The following UTP4 variants were observed in gnomAD, a reference collection of about 807,000 sequenced individuals.
UTP4 encodes U3 small nucleolar RNA-associated protein 4 homolog.
Under a neutral mutation model 82.4 loss-of-function variants are expected in UTP4, and 45 were observed. That is an observed-to-expected ratio of 0.55 (90% CI 0.43 to 0.70). The LOEUF (loss-of-function observed/expected upper bound fraction) is 0.70, where lower values mean the gene tolerates loss of function less well. UTP4 is among the 30% of genes least tolerant of loss of function. The pLI, the probability that UTP4 is intolerant of heterozygous loss-of-function variation, is 0.00. For missense variants in UTP4, 819 were observed against 858.3 expected (o/e 0.95, Z 0.57); for synonymous variants, 348 against 300.3 (o/e 1.16, Z -1.64).
chr16:69,161,419 T>G (rs1040628473), intron 13 of UTP4, among the ~76,000 whole-genome samples: 1 of 152,250 alleles, frequency 6.6e-6, no homozygotes, highest in African/African-American at 2.4e-5. Context: ...GGTAGGAGCA[T>G]GTACTGAGCA....
intron 5 of UTP4, 104 bp downstream of exon 5, chr16:69,140,018 C>A: frequency 1.2e-6 from 1 of 819,850 alleles, no homozygotes; most frequent in Non-Finnish European, 2.2e-6. Context: ...ACCTTTATGG[C>A]CTAACATGTC....
At chr16:69,138,260 G>A (rs1962864453) in intron 4 of UTP4, among the ~76,000 whole-genome samples, 1 of 146,578 alleles carries the variant, frequency 6.8e-6, no homozygotes, top group Admixed American at 6.9e-5. Context: ...TCTGGAGGCA[G>A]AGTGTCACTC....
chr16:69,157,626 CCTT>C (rs1412697104), intron 12 of UTP4, among the ~76,000 whole-genome samples: 2 of 152,052 alleles, frequency 1.3e-5, no homozygotes, highest in African/African-American at 4.8e-5. Flanking sequence ...GGGCATGTTG[CCTT>C]TTTTGGTTGT....
At chr16:69,138,637 A>G (rs913690401) in intron 4 of UTP4, among the ~76,000 whole-genome samples, 1 of 152,212 alleles carries the variant, frequency 6.6e-6, no homozygotes, top group African/African-American at 2.4e-5. Context: ...CTGAATTGGC[A>G]TTGACCCTTT....
chr16:69,146,871 C>T (rs1341520066), intron 6 of UTP4, among the ~76,000 whole-genome samples: 12 of 150,720 alleles, frequency 8.0e-5, no homozygotes, highest in Admixed American at 6.6e-4. Flanking sequence ...GGTGTGGTGG[C>T]GGGCGCCTGT....
chr16:69,147,325 G>A (rs2152279401), intron 6 of UTP4, among the ~76,000 whole-genome samples: 1 of 151,746 alleles, frequency 6.6e-6, no homozygotes, highest in Admixed American at 6.6e-5. Context: ...GCAACATGGT[G>A]AAACTCTGTC....
intron 2 of UTP4, 59 bp downstream of exon 2, chr16:69,133,677 A>G (rs1962721025): frequency 6.4e-7 from 1 of 1,552,424 alleles, no homozygotes. Flanking sequence ...GAAGTTCAAG[A>G]AGCTTGTATG....
At chr16:69,136,961 T>C (rs1567600154) in intron 3 of UTP4, 74 bp downstream of exon 3, 4 of 1,274,276 alleles carry the variant, frequency 3.1e-6, no homozygotes, top group Non-Finnish European at 4.6e-6. Flanking sequence ...CCTGTGCTCA[T>C]AGGAGAGTAA....
intron 6 of UTP4, among the ~76,000 whole-genome samples, chr16:69,147,892 T>A (rs1963159978): frequency 6.6e-6 from 1 of 152,118 alleles, no homozygotes; most frequent in Non-Finnish European, 1.5e-5. Context: ...TTTTTTTTCT[T>A]TTTAGCTGGG....
intron 6 of UTP4, among the ~76,000 whole-genome samples, chr16:69,149,252 C>A (rs559053358): frequency 6.6e-6 from 1 of 151,970 alleles, no homozygotes; most frequent in Non-Finnish European, 1.5e-5. Context: ...TGGTGGCGCA[C>A]GCCTGTAATC....
At chr16:69,146,109 A>G (rs1963101204) in intron 6 of UTP4, among the ~76,000 whole-genome samples, 1 of 151,764 alleles carries the variant, frequency 6.6e-6, no homozygotes, top group South Asian at 2.1e-4. Context: ...AAAAAAAAAA[A>G]GAAAAAAAAA....
chr16:69,146,022 A>C lies in UTP4; in HGVS notation c.738+2633A>C, dbSNP rs188351806. Reference sequence around the variant, plus strand: ...CTGGTAAAATATTTCAAGCAGTTCAACCCGGGAGGCAGAGGTTGCAGTGAG... The same window carrying C: ...CTGGTAAAATATTTCAAGCAGTTCACCCCGGGAGGCAGAGGTTGCAGTGAG... On this transcript the variant is annotated intron_variant, in intron 6 of 16. Coordinates refer to ENST00000314423, the MANE Select transcript of UTP4 (RefSeq NM_032830.3). Among the ~76,000 whole-genome samples the C allele has an allele frequency of 6.9e-3, 1,051 of 151,850 alleles. 7 individuals are homozygous for C. Among genetic ancestry groups the C allele is most frequent in the Non-Finnish European group, 0.01 (682 of 67,940 alleles).
intron 6 of UTP4, among the ~76,000 whole-genome samples, chr16:69,148,487 C>T (rs1963180412): frequency 6.6e-6 from 1 of 151,998 alleles, no homozygotes; most frequent in Non-Finnish European, 1.5e-5. Context: ...CCGCCTCAGC[C>T]TCCCAAGGTG....
chr16:69,135,625 A>G (rs1014533775), intron 2 of UTP4, among the ~76,000 whole-genome samples: 5 of 152,202 alleles, frequency 3.3e-5, no homozygotes, highest in Admixed American at 6.5e-5. Flanking sequence ...TTGAGGCGGA[A>G]GGATCGCTTG....
In UTP4 at chr16:69,146,162, C is replaced by T. The variant is rs181835661; in HGVS notation, c.738+2773C>T. Reference sequence around the variant, plus strand: ...TCTTTTTACCATTAGTTTTGTAATTCTCCCCACATTATTTACTTTTAAACT... The same window carrying T: ...TCTTTTTACCATTAGTTTTGTAATTTTCCCCACATTATTTACTTTTAAACT... On this transcript the variant is annotated intron_variant, in intron 6 of 16. Coordinates refer to ENST00000314423, the MANE Select transcript of UTP4 (RefSeq NM_032830.3). 1.1e-4 allele frequency among the ~76,000 whole-genome samples: 16 copies of T among 151,386 alleles called. No individual in the cohort carries two copies. The East Asian group carries it at 3.1e-3, about 29-fold the overall frequency.
At position 69,157,160 on chromosome 16, in the gene UTP4, C is replaced by T; in HGVS notation, c.1364C>T (p.Ala455Val). The stretch of plus-strand genomic sequence containing the variant: ...GAAGATTCAACAAAGCTCTTTGTAG[C>T]ATCAAATCAAGGAGCTCTGCATATT... The part of the protein sequence containing the change: ...FSEDSTKLFV[A>V]SNQGALHIVQ... The change falls in exon 12 of 17, where the codon GCA becomes GTA. Residue 455 changes from alanine to valine, a missense_variant. Transcript: ENST00000314423. 1.2e-6 allele frequency: 2 copies of T among 1,614,106 alleles called. No homozygotes were observed. The highest frequency in any genetic ancestry group is 1.7e-6 in the Non-Finnish European group (2 of 1,179,932).
Position 69,155,911 on chromosome 16 carries a change from G to A in UTP4, c.1205G>A (p.Gly402Glu). Residue 402 changes from glycine (G) to glutamate (E), a missense_variant, in exon 11 of 17, where the codon GGA becomes GAA. By Grantham distance (98) the Gly-to-Glu change is moderately conservative. Transcript: ENST00000314423. ...NIICSCISPC[G>E]SWIAYSTVSR... is the part of the protein sequence containing the mutation. ...ATCTGTAGCTGTATCTCCCCATGTG[G>A]AAGTTGGATAGCCTATTCTACAGTT... 1 of 1,613,944 alleles carries A rather than the reference G, an allele frequency of 6.2e-7. No individual in the cohort carries two copies. The highest frequency in any genetic ancestry group is 8.5e-7 in the Non-Finnish European group (1 of 1,179,872).
intron 4 of UTP4, 83 bp downstream of exon 4, chr16:69,137,968 A>G (rs1445808338): frequency 1.1e-5 from 10 of 878,308 alleles, no homozygotes; most frequent in Admixed American, 3.5e-5. Context: ...ATATTTTCCC[A>G]TGAATCCAGG....
At chr16:69,163,477 A>G (rs772283512) in intron 14 of UTP4, among the ~76,000 whole-genome samples, 4 of 152,144 alleles carry the variant, frequency 2.6e-5, no homozygotes, top group African/African-American at 9.7e-5. Context: ...GAGAGATGAC[A>G]TGGGCTTGGG....
Sources: gnomAD v4.1 joint callset for allele counts (sites outside exome capture counted in the v4.1 genomes callset) on GRCh38, gnomAD v4.1.1 for gene constraint, MANE v1.5 for transcripts, NCBI Gene and HGNC (gene_info 2026-07-23, HGNC 2026-07-21) for gene names.